NLRP5: variants seen among roughly 807,000 people sequenced by gnomAD.
NLRP5 encodes the protein NLR family pyrin domain containing 5.
A neutral mutation model predicts 113.1 loss-of-function variants in NLRP5; 93 were observed. The observed-to-expected ratio is 0.82, with a 90% CI of 0.70 to 0.98. The LOEUF is 0.98. NLRP5 is among the 50% of genes least tolerant of loss of function. The pLI is 0.00. For missense variants in NLRP5, 1,808 were observed against 1,514.3 expected (o/e 1.19, Z -3.22); for synonymous variants, 751 against 600.7 (o/e 1.25, Z -3.66).
At chr19:56,012,369 C>T (rs959556578) in intron 3 of NLRP5, among the ~76,000 whole-genome samples, 6 of 150,362 alleles carry the variant, frequency 4.0e-5, no homozygotes, top group East Asian at 2.0e-4. Flanking sequence ...AGGCTGCCTT[C>T]GAACTCCTGA....
chr19:55,994,935 CAG>C (rs368672895), upstream of NLRP5, among the ~76,000 whole-genome samples: 706 of 152,224 alleles, frequency 4.6e-3, 6 homozygotes, highest in African/African-American at 0.016. Context: ...TGGTGAGAGA[CAG>C]GGGTCTAGTT....
intron 3 of NLRP5, among the ~76,000 whole-genome samples, chr19:56,014,900 G>A (rs1044657387): frequency 6.6e-6 from 1 of 152,112 alleles, no homozygotes; most frequent in Non-Finnish European, 1.5e-5. Flanking sequence ...GAATTTCCAT[G>A]TGACTTTTAG....
At chr19:56,055,639 A>G (rs1327724572) in intron 13 of NLRP5, among the ~76,000 whole-genome samples, 27 of 135,606 alleles carry the variant, frequency 2.0e-4, no homozygotes, top group East Asian at 4.6e-4. Context: ...TCCGCCTCCC[A>G]GGTTCACCCC....
chr19:56,013,263 G>A (rs1429233048), intron 3 of NLRP5, among the ~76,000 whole-genome samples: 1 of 152,120 alleles, frequency 6.6e-6, no homozygotes, highest in East Asian at 1.9e-4. Flanking sequence ...TGCGATCTCG[G>A]CTCACTGCAA....
Position 56,038,136 on chromosome 19 carries a change from G to C in NLRP5, c.2727G>C (p.Gln909His). ...TGGCAGGAAACAAGGTGACAGACCA[G>C]GGAGTAATGCCTCTCAGTGATGCCT... The change falls in exon 10 of 15, where the codon CAG becomes CAC. Residue 909 changes from glutamine (Q) to histidine (H), a missense_variant. Physicochemically the swap from Gln to His is conservative, Grantham distance 24 (BLOSUM62 0). Transcript: ENST00000390649. 1 of 1,613,962 alleles carries C rather than the reference G, an allele frequency of 6.2e-7. No individual in the cohort carries two copies. The highest frequency in any genetic ancestry group is 8.5e-7 in the Non-Finnish European group (1 of 1,179,862).
chr19:56,017,171 T>C (rs534544063), intron 4 of NLRP5, among the ~76,000 whole-genome samples: 1 of 152,318 alleles, frequency 6.6e-6, no homozygotes, highest in Non-Finnish European at 1.5e-5. Context: ...CTCCAGTAAT[T>C]TTAGCTGTCT....
At chr19:56,040,827 G>A in intron 10 of NLRP5, 95 bp from the exon 11 acceptor site, 1 of 1,038,858 alleles carries the variant, frequency 9.6e-7, no homozygotes, top group South Asian at 1.6e-5. Context: ...GCCAACTATG[G>A]GGGTGATACG....
At chr19:55,995,175 CAG>C (rs1290109754), upstream of NLRP5, among the ~76,000 whole-genome samples, 1 of 152,050 alleles carries the variant, frequency 6.6e-6, no homozygotes, top group African/African-American at 2.4e-5. Flanking sequence ...CACTTGGACA[CAG>C]GGTGGGGAAC....
intron 1 of NLRP5, among the ~76,000 whole-genome samples, chr19:56,000,773 C>T (rs1010623688): frequency 6.6e-6 from 1 of 151,482 alleles, no homozygotes; most frequent in Non-Finnish European, 1.5e-5. Flanking sequence ...TTTGGGAGGC[C>T]GAGGCTGGTG....
At chr19:56,022,341 T>C (rs1166102235) in intron 6 of NLRP5, among the ~76,000 whole-genome samples, 1 of 152,108 alleles carries the variant, frequency 6.6e-6, no homozygotes, top group African/African-American at 2.4e-5. Flanking sequence ...TGCCTCAGCC[T>C]CCTAAGTAGC....
the NLRP5 span, among the ~76,000 whole-genome samples, chr19:55,986,779 G>C: frequency 6.6e-6 from 1 of 151,818 alleles, no homozygotes; most frequent in African/African-American, 2.4e-5. Flanking sequence ...ATTGCCAGCT[G>C]GCCCAGAGCT....
chr19:56,008,815 C>A lies in NLRP5; in HGVS notation c.470C>A (p.Thr157Lys), dbSNP rs868080387. The A allele has an allele frequency of 6.2e-7, 1 of 1,612,100 alleles. No homozygotes were observed. Among genetic ancestry groups the A allele is most frequent in the Non-Finnish European group, 8.5e-7 (1 of 1,179,168 alleles). ...CATTCACCAGAAGATCCTGAAGCAA[C>A]GATGACTGACCAAGGACCAAGCAAG... is the stretch of plus-strand genomic sequence containing the variant. The change falls in exon 3 of 15, where the codon ACG becomes AAG. Residue 157 changes from threonine (T) to lysine (K), a missense_variant. Physicochemically the swap from Thr to Lys is moderately conservative, Grantham distance 78. Transcript: ENST00000390649.
chr19:56,028,129 G>C lies in NLRP5; in HGVS notation c.1896G>C (p.Trp632Cys), dbSNP rs1204229277. 1 of 1,614,014 alleles carries C rather than the reference G, an allele frequency of 6.2e-7. No individual in the cohort carries two copies. The highest frequency in any genetic ancestry group is 1.1e-5 in the South Asian group (1 of 91,086). ...CAGGCTTCCATATCCACTCGCTTTG[G>C]ATGAAGCGTTTCTTGTTTGGCCTCG... Residue 632 changes from tryptophan (W) to cysteine (C), a missense_variant, in exon 7 of 15, where the codon TGG (tryptophan) becomes TGC (cysteine). By Grantham distance (215) the Trp-to-Cys change is radical. Coordinates refer to ENST00000390649, the MANE Select transcript of NLRP5 (RefSeq NM_153447.4).
intron 1 of NLRP5, among the ~76,000 whole-genome samples, chr19:56,002,914 C>T (rs112821608): frequency 0.16 from 23,589 of 151,852 alleles, 2,102 homozygotes; most frequent in East Asian, 0.32. Context: ...TGAATAGTGC[C>T]GCTATAAACT....
At chr19:56,044,997 CTTGAT>C (rs1983670140) in intron 11 of NLRP5, among the ~76,000 whole-genome samples, 1 of 152,112 alleles carries the variant, frequency 6.6e-6, no homozygotes, top group Non-Finnish European at 1.5e-5. Flanking sequence ...GGGTTGAGTT[CTTGAT>C]TTGATTCTCC....
chr19:56,036,008 T>A (rs961396647), intron 9 of NLRP5, among the ~76,000 whole-genome samples: 1 of 151,786 alleles, frequency 6.6e-6, no homozygotes, highest in African/African-American at 2.4e-5. Flanking sequence ...TGATTTTGCA[T>A]GTAGTACTAC....
chr19:56,039,100 C>T (rs539996923), intron 10 of NLRP5, among the ~76,000 whole-genome samples: 1 of 152,012 alleles, frequency 6.6e-6, no homozygotes, highest in South Asian at 2.1e-4. Context: ...AACCCTTCCT[C>T]GCTGAGTTCT....
intron 3 of NLRP5, among the ~76,000 whole-genome samples, chr19:56,014,448 C>T (rs1229156396): frequency 6.7e-6 from 1 of 149,124 alleles, no homozygotes; most frequent in African/African-American, 2.5e-5. Context: ...CCATTGCACT[C>T]CAGCCTGGTG....
At chr19:56,059,566 T>G (rs922561579) in intron 14 of NLRP5, among the ~76,000 whole-genome samples, 27 of 152,302 alleles carry the variant, frequency 1.8e-4, no homozygotes, top group African/African-American at 6.3e-4. Flanking sequence ...GGAGTCTCAC[T>G]CTGTTGCCTC....
Sources: gnomAD v4.1 joint callset for allele counts (sites outside exome capture counted in the v4.1 genomes callset) on GRCh38, gnomAD v4.1.1 for gene constraint, MANE v1.5 for transcripts, NCBI Gene and HGNC (gene_info 2026-07-23, HGNC 2026-07-21) for gene names.